Variants in EPHA6 observed in about 807,000 individuals in gnomAD.
EPHA6 encodes the protein EPH receptor A6.
A neutral mutation model predicts 112.0 loss-of-function variants in EPHA6; 50 were observed. The ratio of observed to expected loss-of-function variants is 0.45; its 90% CI spans 0.36 to 0.56. The LOEUF (loss-of-function observed/expected upper bound fraction) is 0.56. Ranked by LOEUF, EPHA6 falls within the 20% of genes least tolerant of loss-of-function variation. EPHA6 has a pLI of 0.00. For synonymous variants in EPHA6, 529 were observed against 490.7 expected, an observed-to-expected ratio of 1.08 and a Z score of -1.03; for missense variants, 1,280 against 1,417.4, an observed-to-expected ratio of 0.90 and a Z score of 1.56.
intron 2 of EPHA6, among the ~76,000 whole-genome samples, chr3:96,882,537 A>G (rs1355795942): frequency 6.6e-6 from 1 of 152,048 alleles, no homozygotes; most frequent in Non-Finnish European, 1.5e-5. Context: ...CCAAGTCCCC[A>G]AAATCCATTG....
At chr3:97,097,483 T>C (rs1183235643) in intron 3 of EPHA6, among the ~76,000 whole-genome samples, 1 of 151,648 alleles carries the variant, frequency 6.6e-6, no homozygotes, top group East Asian at 1.9e-4. Flanking sequence ...GAAAAACATA[T>C]TGTGAATCTG....
In EPHA6 at chr3:97,492,281, A is replaced by G. The variant is rs563307644; in HGVS notation, c.2200+8222A>G. Among the ~76,000 whole-genome samples, 4 of 151,976 alleles carry G rather than the reference A, an allele frequency of 2.6e-5. No homozygotes were observed. The East Asian group carries it at 7.8e-4, about 30-fold the overall frequency. On this transcript the variant is annotated intron_variant, in intron 10 of 17. Transcript: ENST00000389672. ...TAATGAGCTGGGCATGGTGGCTCAC[A>G]CCTGTAATCCCAGCACTTTGGGAGG...
chr3:96,988,047 GT>G, intron 3 of EPHA6, 54 bp downstream of exon 3: 1 of 1,387,110 alleles, frequency 7.2e-7, no homozygotes, highest in East Asian at 2.5e-5. Flanking sequence ...TTTTAAAAAA[GT>G]TTTATTTTTT....
intron 3 of EPHA6, among the ~76,000 whole-genome samples, chr3:97,046,804 A>T (rs185369574): frequency 2.1e-4 from 32 of 152,254 alleles, no homozygotes; most frequent in Admixed American, 1.8e-3. Flanking sequence ...GTCCTGCAAA[A>T]ATTTTAGAAA....
At chr3:97,255,144 A>ATGTGTGTGTGTG (rs10631180) in intron 5 of EPHA6, among the ~76,000 whole-genome samples, 15 of 144,374 alleles carry the variant, frequency 1.0e-4, no homozygotes, top group African/African-American at 3.3e-4. Flanking sequence ...TACATCTTGG[A>ATGTGTGTGTGTG]TGTGTGTGTG....
At chr3:97,379,703 C>T (rs1003302816) in intron 5 of EPHA6, among the ~76,000 whole-genome samples, 1 of 128,544 alleles carries the variant, frequency 7.8e-6, no homozygotes, top group Non-Finnish European at 1.5e-5. Context: ...GAGCTGAGAT[C>T]GTGCCATTCC....
At chr3:97,011,457 A>G (rs1225817427) in intron 3 of EPHA6, among the ~76,000 whole-genome samples, 2 of 152,206 alleles carry the variant, frequency 1.3e-5, no homozygotes, top group Admixed American at 6.5e-5. Flanking sequence ...AGTTACATAT[A>G]TGTGTATCAA....
Position 97,669,713 on chromosome 3 carries a change from A to G in EPHA6, c.2784+31631A>G, listed in dbSNP as rs531090471. Among the ~76,000 whole-genome samples, 5 of 152,292 alleles carry G rather than the reference A, an allele frequency of 3.3e-5. No individual in the cohort carries two copies. The East Asian group carries it at 7.7e-4, about 23-fold the overall frequency. On this transcript the variant is annotated intron_variant, in intron 14 of 17. Transcript: ENST00000389672. ...ACATTTAAGTTTGAAACCAAATTATATTTTGCTTGTTCCAGTCTAGTAGTA... is the reference window on the plus strand; with the variant it reads ...ACATTTAAGTTTGAAACCAAATTATGTTTTGCTTGTTCCAGTCTAGTAGTA...
Position 97,128,448 on chromosome 3 carries a change from T to C in EPHA6, c.1115-97816T>C, listed in dbSNP as rs138709328. On this transcript the variant is annotated intron_variant, in intron 3 of 17. Coordinates refer to ENST00000389672, the MANE Select transcript of EPHA6 (RefSeq NM_001080448.3). Reference sequence around the variant, plus strand: ...CTTAGGCCTAGCTGTTGGATTATAATACTTGATATCTAGCTTTGGGGCATA... The same window carrying C: ...CTTAGGCCTAGCTGTTGGATTATAACACTTGATATCTAGCTTTGGGGCATA... Among the ~76,000 whole-genome samples the C allele has an allele frequency of 3.9e-5, 6 of 152,300 alleles. No homozygotes were observed. In the East Asian group the frequency reaches 1.2e-3, roughly 29 times the overall value.
At chr3:96,874,684 C>A (rs2036840826) in intron 2 of EPHA6, among the ~76,000 whole-genome samples, 1 of 152,074 alleles carries the variant, frequency 6.6e-6, no homozygotes, top group Non-Finnish European at 1.5e-5. Context: ...CTAAAGACAA[C>A]TAGTTCAATG....
chr3:97,418,137 TTAAA>T (rs2088286484), intron 6 of EPHA6, among the ~76,000 whole-genome samples: 1 of 151,376 alleles, frequency 6.6e-6, no homozygotes, highest in African/African-American at 2.4e-5. Context: ...ACTTATAAAA[TTAAA>T]TATATAATTA....
intron 12 of EPHA6, among the ~76,000 whole-genome samples, chr3:97,605,499 G>A (rs981799606): frequency 2.0e-5 from 3 of 151,476 alleles, no homozygotes; most frequent in Non-Finnish European, 4.4e-5. Flanking sequence ...ACCATTTGTT[G>A]ACTAGGAAGT....
At chr3:97,160,791 T>C (rs762777638) in intron 3 of EPHA6, among the ~76,000 whole-genome samples, 15 of 152,210 alleles carry the variant, frequency 9.9e-5, no homozygotes, top group Non-Finnish European at 1.8e-4. Flanking sequence ...CCCAGAGTTC[T>C]GCTCACTGAG....
intron 1 of EPHA6, among the ~76,000 whole-genome samples, chr3:96,827,804 A>G (rs1298701905): frequency 1.3e-5 from 2 of 152,164 alleles, no homozygotes; most frequent in Non-Finnish European, 2.9e-5. Flanking sequence ...CATGTGCATC[A>G]ACAGGGGTCC....
chr3:97,524,524 G>A (rs183981253), intron 10 of EPHA6, among the ~76,000 whole-genome samples: 1 of 151,786 alleles, frequency 6.6e-6, no homozygotes, highest in East Asian at 1.9e-4. Context: ...CCCCTTTACG[G>A]TTTTAGTATA....
intron 3 of EPHA6, among the ~76,000 whole-genome samples, chr3:97,219,064 A>G (rs1028044198): frequency 6.6e-6 from 1 of 152,014 alleles, no homozygotes; most frequent in African/African-American, 2.4e-5. Flanking sequence ...CTGATGCAAG[A>G]GGTGGGCTCC....
chr3:97,458,345 C>A (rs1245913296), intron 7 of EPHA6, among the ~76,000 whole-genome samples: 4 of 152,050 alleles, frequency 2.6e-5, no homozygotes, highest in Non-Finnish European at 5.9e-5. Context: ...ATTTCATATT[C>A]TCTTATGCTT....
chr3:97,726,639 T>A (rs2034782314), intron 15 of EPHA6, among the ~76,000 whole-genome samples: 2 of 152,066 alleles, frequency 1.3e-5, no homozygotes, highest in South Asian at 4.1e-4. Flanking sequence ...GTATGAAGAT[T>A]TTTCTTCTTT....
chr3:97,534,531 A>G (rs970602283), intron 11 of EPHA6, among the ~76,000 whole-genome samples: 2 of 150,490 alleles, frequency 1.3e-5, no homozygotes, highest in African/African-American at 4.9e-5. Context: ...TTTGAATTGA[A>G]CAACATTAAA....
Sources: allele counts gnomAD v4.1 joint callset (sites outside exome capture counted in the v4.1 genomes callset), GRCh38; gene constraint gnomAD v4.1.1; transcripts MANE v1.5; gene names NCBI Gene and HGNC (gene_info 2026-07-23, HGNC 2026-07-21).